Variants in PLA1A observed in about 807,000 individuals in gnomAD.
The protein encoded by PLA1A is phosphatidylserine-specific phospholipase A1alpha.
A neutral mutation model predicts 49.4 loss-of-function variants in PLA1A; 47 were observed. The ratio of observed to expected loss-of-function variants is 0.95; its 90% CI spans 0.75 to 1.21. The LOEUF is 1.21. Among genes scored for constraint, PLA1A ranks in the 50% most tolerant of loss-of-function variants. The probability of loss-of-function intolerance (pLI) is 0.00; values close to 1 mark genes in which losing one functional copy is unlikely to be tolerated. For synonymous variants in PLA1A, 224 were observed against 207.9 expected, an observed-to-expected ratio of 1.08 and a Z score of -0.67; for missense variants, 561 against 563.9, an observed-to-expected ratio of 0.99 and a Z score of 0.05.
At chr3:119,601,994 G>T (rs999885456) in intron 1 of PLA1A, among the ~76,000 whole-genome samples, 2 of 151,890 alleles carry the variant, frequency 1.3e-5, no homozygotes, top group African/African-American at 4.8e-5. Context: ...TTAATTCTTT[G>T]CAAAGAATTG....
chr3:119,604,364 T>A (rs2082656322), intron 1 of PLA1A, among the ~76,000 whole-genome samples: 1 of 151,880 alleles, frequency 6.6e-6, no homozygotes, highest in Non-Finnish European at 1.5e-5. Context: ...TAAGAGCCCA[T>A]CAACTAATGA....
Position 119,629,461 on chromosome 3 carries a change from G to A in PLA1A, c.1364G>A (p.Cys455Tyr). ...GTTTCCTGTGACCTGAAGATAGCCTGTGTGTAGTTTAACCTGGGCAGGACA... is the reference window on the plus strand; with the variant it reads ...GTTTCCTGTGACCTGAAGATAGCCTATGTGTAGTTTAACCTGGGCAGGACA... ...VTVSCDLKIACV is the reference protein window; with the variant it reads ...VTVSCDLKIAYV Residue 455 changes from cysteine to tyrosine, a missense_variant, in exon 11 of 11, where the codon TGT (cysteine) becomes TAT (tyrosine). Transcript: ENST00000273371. 2 of 1,585,976 alleles carry A rather than the reference G, an allele frequency of 1.3e-6. No individual in the cohort carries two copies. Among genetic ancestry groups the A allele is most frequent in the Non-Finnish European group, 1.7e-6 (2 of 1,155,912 alleles).
chr3:119,615,921 G>A (rs866684955), intron 5 of PLA1A, 91 bp from the exon 6 acceptor site: 17 of 747,452 alleles, frequency 2.3e-5, no homozygotes, highest in South Asian at 1.3e-4. Context: ...ACGTGGCAGA[G>A]AGTGGGTGGG....
intron 8 of PLA1A, among the ~76,000 whole-genome samples, chr3:119,622,149 GGAAGAAGAA>G (rs59447645): frequency 0.073 from 9,244 of 126,028 alleles, 332 homozygotes; most frequent in Non-Finnish European, 0.086. Context: ...AGGAGGAGGA[GGAAGAAGAA>G]GAAGAAGAAG....
At position 119,618,152 on chromosome 3, in the gene PLA1A, C is replaced by T. The variant is rs773704485; in HGVS notation, c.888C>T (p.Cys296=). The T allele has an allele frequency of 2.5e-6, 4 of 1,613,902 alleles. No homozygotes were observed. Among genetic ancestry groups the T allele is most frequent in the South Asian group, 1.1e-5 (1 of 91,042 alleles). Residue 296 remains cysteine, a synonymous_variant, in exon 7 of 11, where the codon TGC becomes TGT. Transcript: ENST00000273371. ...KAFLAGRCLD[C]FNPFLLSCPR... Reference sequence around the variant, plus strand: ...TCCTTGCTGGACGCTGTCTGGATTGCTTTAACCCTTTTCTGCTTTCCTGCC... The same window carrying T: ...TCCTTGCTGGACGCTGTCTGGATTGTTTTAACCCTTTTCTGCTTTCCTGCC...
At position 119,624,527 on chromosome 3, in the gene PLA1A, G is replaced by A. The variant is rs12486803; in HGVS notation, c.1013-597G>A. ...GCAAACAAGGGGAAGTAAAACATTA[G>A]TATTACAAAATAACAAAAACTAACA... On this transcript the variant is annotated intron_variant, in intron 8 of 10. Coordinates refer to ENST00000273371, the MANE Select transcript of PLA1A (RefSeq NM_015900.4). 1.3e-3 allele frequency among the ~76,000 whole-genome samples: 197 copies of A among 152,216 alleles called. 4 individuals are homozygous for A. Among genetic ancestry groups the A allele is most frequent in the Admixed American group, 0.012 (177 of 15,294 alleles).
At chr3:119,619,957 G>T in intron 8 of PLA1A, 1 of 452,414 alleles carries the variant, frequency 2.2e-6, no homozygotes, top group South Asian at 1.8e-5. Flanking sequence ...CCTCCTTTCT[G>T]CACTCTCATT....
intron 4 of PLA1A, among the ~76,000 whole-genome samples, chr3:119,609,871 T>G (rs2248483): frequency 0.29 from 44,170 of 152,138 alleles, 8,059 homozygotes; most frequent in African/African-American, 0.5. Flanking sequence ...GCAGGTTTAT[T>G]ACATGGGTGT....
At chr3:119,598,568 A>T (rs2082572104) in intron 1 of PLA1A, 1 of 152,240 alleles carries the variant, frequency 6.6e-6, no homozygotes, top group African/African-American at 2.4e-5. Flanking sequence ...GCCTAACAGA[A>T]AATTAACCTG....
At chr3:119,621,513 T>C (rs1448012635) in intron 8 of PLA1A, among the ~76,000 whole-genome samples, 1 of 152,246 alleles carries the variant, frequency 6.6e-6, no homozygotes, top group Non-Finnish European at 1.5e-5. Flanking sequence ...TGCCTAGCAC[T>C]CTTGGTCTGC....
intron 3 of PLA1A, among the ~76,000 whole-genome samples, chr3:119,609,253 C>T (rs76273008): frequency 0.01 from 1,545 of 152,214 alleles, 24 homozygotes; most frequent in African/African-American, 0.034. Context: ...ATACTTTGGG[C>T]ACCAAAAGGA....
chr3:119,613,998 G>A (rs1209598791), intron 5 of PLA1A, among the ~76,000 whole-genome samples: 1 of 152,194 alleles, frequency 6.6e-6, no homozygotes, highest in Non-Finnish European at 1.5e-5. Context: ...GACCAGTTGG[G>A]AAAGGCGGGG....
At position 119,619,611 on chromosome 3, in the gene PLA1A, T is replaced by G. The variant is rs2082900305; in HGVS notation, c.971T>G (p.Val324Gly). Reference protein sequence around the residue: ...GVKIEPLPKEVKVYLLTTSSA... With the variant: ...GVKIEPLPKEGKVYLLTTSSA... ...AAGATAGAGCCGCTCCCCAAGGAAG[T>G]GAAAGTCTACCTCCTGACTACTTCC... Residue 324 changes from valine (V) to glycine (G), a missense_variant, in exon 8 of 11, where the codon GTG (valine) becomes GGG (glycine). Val to Gly is a moderately radical substitution (Grantham distance 109). Coordinates refer to ENST00000273371, the MANE Select transcript of PLA1A (RefSeq NM_015900.4). The G allele has an allele frequency of 6.2e-7, 1 of 1,613,522 alleles. No individual in the cohort carries two copies. The highest frequency in any genetic ancestry group is 1.3e-5 in the African/African-American group (1 of 74,880).
At chr3:119,614,072 G>T (rs10433338) in intron 5 of PLA1A, among the ~76,000 whole-genome samples, 37,214 of 152,052 alleles carry the variant, frequency 0.24, 5,746 homozygotes, top group East Asian at 0.47. Flanking sequence ...TGTGGTGGGT[G>T]CAGGGAGAAA....
At chr3:119,600,522 A>G (rs894346776) in intron 1 of PLA1A, 1 of 652,664 alleles carries the variant, frequency 1.5e-6, no homozygotes, top group African/African-American at 1.8e-5. Flanking sequence ...TTGAGCTCCC[A>G]AAGGGCAGTT....
chr3:119,625,026 T>C (rs1485076917), intron 8 of PLA1A, 98 bp from the exon 9 acceptor site: 1 of 716,294 alleles, frequency 1.4e-6, no homozygotes, highest in Admixed American at 2.1e-5. Context: ...CACTAAGAGA[T>C]AGAGCCAAGA....
At chr3:119,613,425 C>G (rs1458344884) in intron 5 of PLA1A, among the ~76,000 whole-genome samples, 2 of 152,230 alleles carry the variant, frequency 1.3e-5, no homozygotes, top group Non-Finnish European at 2.9e-5. Context: ...CTGAGCAGTA[C>G]TGGGTAGGGC....
At chr3:119,628,945 G>A in intron 10 of PLA1A, 80 bp downstream of exon 10, 1 of 1,128,896 alleles carries the variant, frequency 8.9e-7, no homozygotes. Flanking sequence ...GCTGCCTATT[G>A]AGGTTCAATC....
intron 8 of PLA1A, among the ~76,000 whole-genome samples, chr3:119,623,717 C>CTT (rs35309675): frequency 3.1e-3 from 313 of 101,454 alleles, no homozygotes; most frequent in African/African-American, 4.0e-3. Context: ...TTCTCTCTTT[C>CTT]TTTTTTTTTT....
Sources: gnomAD v4.1 joint callset for allele counts (sites outside exome capture counted in the v4.1 genomes callset) on GRCh38, gnomAD v4.1.1 for gene constraint, MANE v1.5 for transcripts, NCBI Gene and HGNC (gene_info 2026-07-23, HGNC 2026-07-21) for gene names.